SGSM2: variants seen among roughly 807,000 people sequenced by gnomAD.
SGSM2 encodes the protein small G protein signaling modulator 2, also known as RUN and TBC1 domain containing 1.
In SGSM2, 89 loss-of-function variants were observed where a neutral mutation model predicts 126.6. The ratio of observed to expected loss-of-function variants is 0.70; its 90% CI spans 0.59 to 0.84. The LOEUF is 0.84. Among genes scored for constraint, SGSM2 ranks in the 40% least tolerant of loss-of-function variants. The pLI, the probability that SGSM2 is intolerant of heterozygous loss-of-function variation, is 0.00. For missense variants in SGSM2, 1,404 were observed against 1,416.6 expected (o/e 0.99, Z 0.14); for synonymous variants, 614 against 574.3 (o/e 1.07, Z -0.99).
rs916474335 is a variant in SGSM2 at position 2,337,866 on chromosome 17, G to A, written c.57+121G>A. ...GGGCCGAACCTGGGCCGGGCGGGGC[G>A]GGTCCTGGACGGGCTGCGCCTCCTT... is the stretch of plus-strand genomic sequence containing the variant. On this transcript the variant is annotated intron_variant, in intron 1 of 23. Transcript: ENST00000268989. The surrounding 1 kb of genome is among the most constrained non-coding windows in gnomAD (Gnocchi z 5.1). The A allele has an allele frequency of 8.1e-5, 46 of 570,308 alleles. No individual in the cohort carries two copies. The African/African-American group carries it at 8.1e-4, about 10-fold the overall frequency. 35.3% of individuals were successfully genotyped at this position (570,308 alleles called of 1,614,324 possible).
chr17:2,360,049 T>C (rs1036910268), intron 2 of SGSM2, among the ~76,000 whole-genome samples: 3 of 152,086 alleles, frequency 2.0e-5, no homozygotes, highest in African/African-American at 7.2e-5. Context: ...AAGCCAAAGA[T>C]TTCCCCATGT....
chr17:2,375,908 G>T (rs376342624), intron 18 of SGSM2, 33 bp downstream of exon 18: 56 of 1,507,528 alleles, frequency 3.7e-5, no homozygotes, highest in Admixed American at 4.4e-5. Flanking sequence ...GTTCCCAGCC[G>T]CCCCAGAGGC....
Position 2,362,229 on chromosome 17 carries a change from A to C in SGSM2, c.417A>C (p.Lys139Asn). 6.2e-7 allele frequency: 1 copy of C among 1,613,430 alleles called. No homozygotes were observed. The change falls in exon 4 of 24, where the codon AAA (lysine) becomes AAC (asparagine). Residue 139 changes from lysine (K) to asparagine (N), a missense_variant. Transcript: ENST00000268989. This position sits in a 1 kb window ranked among gnomAD's most constrained non-coding sequence, Gnocchi z 4.9. ...GGGTACGCACGGCGCTCATCGAGAA[A>C]GTTCTGGACAAGGTCGTGCAATACC... ...HVWVRTALIEKVLDKVVQYLA... is the reference protein window; with the variant it reads ...HVWVRTALIENVLDKVVQYLA...
At chr17:2,366,865 A>G (rs1008023740) in intron 11 of SGSM2, 9 of 163,586 alleles carry the variant, frequency 5.5e-5, no homozygotes, top group Admixed American at 1.9e-4. Context: ...ATTTGGAGTA[A>G]TCTTCAGATT....
chr17:2,379,021 G>A lies in SGSM2; in HGVS notation c.2900-15G>A, dbSNP rs746666194. 4.8e-5 allele frequency: 78 copies of A among 1,609,888 alleles called. No individual in the cohort carries two copies. The highest frequency in any genetic ancestry group is 6.7e-5 in the Admixed American group (4 of 59,640). On this transcript the variant is annotated splice_polypyrimidine_tract_variant and intron_variant, in intron 22 of 23. Coordinates refer to ENST00000268989, the MANE Select transcript of SGSM2 (RefSeq NM_014853.3). Reference sequence around the variant, plus strand: ...CGGCTAGGACGGGTGAGCAGCAGCCGCTTACTCTCCGCAGAACTGCTGTAT... The same window carrying A: ...CGGCTAGGACGGGTGAGCAGCAGCCACTTACTCTCCGCAGAACTGCTGTAT...
At position 2,343,573 on chromosome 17, in the gene SGSM2, C is replaced by T; in HGVS notation, c.86C>T (p.Thr29Ile). ...EVKQIMEEAV[T>I]RKFVHEDSSH... ...AAGCAAATCATGGAGGAGGCTGTCA[C>T]CAGGAAGTTTGTGCATGAAGACAGC... The change falls in exon 2 of 24, where the codon ACC (threonine) becomes ATC (isoleucine). Residue 29 changes from threonine (T) to isoleucine (I), a missense_variant. Coordinates refer to ENST00000268989, the MANE Select transcript of SGSM2 (RefSeq NM_014853.3). 1.9e-6 allele frequency: 3 copies of T among 1,614,144 alleles called. No homozygotes were observed. The highest frequency in any genetic ancestry group is 2.5e-6 in the Non-Finnish European group (3 of 1,180,016).
intron 17 of SGSM2, chr17:2,374,244 T>A (rs2151628876): frequency 6.6e-6 from 1 of 152,364 alleles, no homozygotes. Flanking sequence ...CTTTACTAAA[T>A]CCTTACCAAC....
intron 2 of SGSM2, among the ~76,000 whole-genome samples, chr17:2,352,726 C>T (rs1462523402): frequency 6.6e-6 from 1 of 151,728 alleles, no homozygotes; most frequent in Non-Finnish European, 1.5e-5. Context: ...TCTGAGGCTC[C>T]CTGGGCTGAC....
At chr17:2,368,503 A>G (rs999502292) in intron 12 of SGSM2, among the ~76,000 whole-genome samples, 1 of 152,172 alleles carries the variant, frequency 6.6e-6, no homozygotes, top group East Asian at 1.9e-4. Context: ...TAGGCTTCCA[A>G]AGTTCTGCCG....
chr17:2,349,223 A>G (rs1288996688), intron 2 of SGSM2, among the ~76,000 whole-genome samples: 2 of 152,122 alleles, frequency 1.3e-5, no homozygotes, highest in Non-Finnish European at 2.9e-5. Context: ...TAAAAATACA[A>G]AAATTAGCTG....
rs560993418 is a variant in SGSM2 at position 2,365,394 on chromosome 17, C to T, written c.1288+53C>T. 2,450 of 1,482,418 alleles carry T rather than the reference C, an allele frequency of 1.7e-3. 5 individuals carry two copies. Among genetic ancestry groups the T allele is most frequent in the Middle Eastern group, 2.6e-3 (12 of 4,656 alleles). The allele number at this position is 1,482,418 out of a possible 1,614,324, so 91.8% of individuals were successfully genotyped here. A position where few individuals can be genotyped will look rare whatever the true frequency, so the allele number is the denominator to read the frequency against. ...GAGGAGAGGAAGACGCTCTGGGAGG[C>T]GGGGAGCGCAGCGTCACCCAGGAGG... On this transcript the variant is annotated intron_variant, in intron 11 of 23. Transcript: ENST00000268989.
At chr17:2,364,730 G>A (rs1204827234) in intron 9 of SGSM2, 67 bp downstream of exon 9, 11 of 1,586,412 alleles carry the variant, frequency 6.9e-6, no homozygotes, top group East Asian at 2.2e-5. Flanking sequence ...TGTGCACTGT[G>A]CGTGGGGCCT....
intron 2 of SGSM2, among the ~76,000 whole-genome samples, chr17:2,351,278 G>C (rs1409722351): frequency 1.3e-5 from 2 of 152,026 alleles, no homozygotes; most frequent in Admixed American, 6.6e-5. Context: ...AGAGGAGCTA[G>C]TGTTTGAACC....
chr17:2,359,041 C>A (rs143376814), intron 2 of SGSM2, among the ~76,000 whole-genome samples: 75 of 152,114 alleles, frequency 4.9e-4, no homozygotes, highest in Middle Eastern at 6.8e-3. Context: ...CCACGCCCAG[C>A]TAATTTTTTG....
intron 17 of SGSM2, 91 bp downstream of exon 17, chr17:2,373,604 A>G: frequency 8.1e-7 from 1 of 1,230,692 alleles, no homozygotes; most frequent in South Asian, 1.4e-5. Flanking sequence ...GACCTCTGGG[A>G]ACTGGTGGGG....
chr17:2,380,488 T>A lies in SGSM2; in HGVS notation c.*968T>A, dbSNP rs970406165. Reference sequence around the variant, plus strand: ...GCGGGAGGCAGGGGATGCATGGGTGTCCCCATCTGTCCCTGGTGAGAAGCA... The same window carrying A: ...GCGGGAGGCAGGGGATGCATGGGTGACCCCATCTGTCCCTGGTGAGAAGCA... On this transcript the variant is annotated 3_prime_UTR_variant, in exon 24 of 24. Coordinates refer to ENST00000268989, the MANE Select transcript of SGSM2 (RefSeq NM_014853.3). 5 of 634,070 alleles carry A rather than the reference T, an allele frequency of 7.9e-6. No homozygotes were observed. Among genetic ancestry groups the A allele is most frequent in the African/African-American group, 7.2e-5 (4 of 55,210 alleles). 39.3% of individuals were successfully genotyped at this position (634,070 alleles called of 1,614,324 possible).
At chr17:2,354,785 G>A (rs541700723) in intron 2 of SGSM2, among the ~76,000 whole-genome samples, 9 of 152,344 alleles carry the variant, frequency 5.9e-5, no homozygotes, top group Admixed American at 2.0e-4. Flanking sequence ...TCTTCCTGGC[G>A]TCTCCTCTAC....
chr17:2,376,864 A>T (rs2066188226), intron 20 of SGSM2, 49 bp downstream of exon 20: 2 of 1,611,426 alleles, frequency 1.2e-6, no homozygotes, highest in Non-Finnish European at 1.7e-6. Context: ...TGGAGAAAGG[A>T]CGAGAGGGTG....
chr17:2,372,194 C>G lies in SGSM2; in HGVS notation c.1582C>G (p.Pro528Ala), dbSNP rs1489996466. ...TGAGCCCGGTTGTTGCCACAGGTTG[C>G]CGCTCAGGCTACTGTGTGAGAGTAT... ...SHCSCIPDRLPLRLLCESMKR... is the reference protein window; with the variant it reads ...SHCSCIPDRLALRLLCESMKR... The change falls in exon 14 of 24, where the codon CCG becomes GCG. Residue 528 changes from proline to alanine, a missense_variant. Physicochemically the swap from Pro to Ala is conservative, Grantham distance 27. Transcript: ENST00000268989. The surrounding 1 kb of genome is among the most constrained non-coding windows in gnomAD (Gnocchi z 6.0). 2.5e-6 allele frequency: 4 copies of G among 1,613,314 alleles called. No homozygotes were observed. Among genetic ancestry groups the G allele is most frequent in the Non-Finnish European group, 1.7e-6 (2 of 1,179,784 alleles).
Sources: gnomAD v4.1 joint callset for allele counts (sites outside exome capture counted in the v4.1 genomes callset) on GRCh38, gnomAD v4.1.1 for gene constraint, Gnocchi (gnomAD v3.1) non-coding constraint, MANE v1.5 for transcripts, NCBI Gene and HGNC (gene_info 2026-07-23, HGNC 2026-07-21) for gene names.